Variants in AGBL4 observed in about 807,000 individuals in gnomAD.
AGBL4 encodes cytosolic carboxypeptidase 6.
A neutral mutation model predicts 66.4 loss-of-function variants in AGBL4; 58 were observed. That is an observed-to-expected ratio of 0.87 (90% CI 0.71 to 1.09). The LOEUF (loss-of-function observed/expected upper bound fraction) is 1.09. Among genes scored for constraint, AGBL4 ranks in the 50% least tolerant of loss-of-function variants. AGBL4 has a pLI of 0.00. For missense variants in AGBL4, 579 were observed against 631.0 expected, an observed-to-expected ratio of 0.92 and a Z score of 0.88; for synonymous variants, 234 against 222.9, an observed-to-expected ratio of 1.05 and a Z score of -0.44.
At chr1:49,423,455 T>G (rs941503245) in intron 3 of AGBL4, among the ~76,000 whole-genome samples, 1 of 152,132 alleles carries the variant, frequency 6.6e-6, no homozygotes, top group Non-Finnish European at 1.5e-5. Flanking sequence ...CCATGAATTA[T>G]GTGAGGACCC....
chr1:48,924,663 C>CA (rs1202314837), intron 5 of AGBL4, among the ~76,000 whole-genome samples: 2 of 152,110 alleles, frequency 1.3e-5, no homozygotes, highest in East Asian at 3.9e-4. Context: ...AATAGCTGCC[C>CA]AAAAAATATC....
intron 5 of AGBL4, among the ~76,000 whole-genome samples, chr1:48,924,227 C>T (rs1020324227): frequency 2.6e-4 from 39 of 151,992 alleles, no homozygotes; most frequent in African/African-American, 8.9e-4. Flanking sequence ...CATCACACAA[C>T]ACACAATATA....
At chr1:49,602,017 C>G (rs972739266) in intron 3 of AGBL4, among the ~76,000 whole-genome samples, 1 of 152,066 alleles carries the variant, frequency 6.6e-6, no homozygotes, top group Non-Finnish European at 1.5e-5. Context: ...AAAAAAACAA[C>G]CCCATCAAAA....
In AGBL4 at chr1:49,767,170, C is replaced by T. The variant is rs569144741; in HGVS notation, c.158-69733G>A. Among the ~76,000 whole-genome samples the T allele has an allele frequency of 1.4e-4, 22 of 152,166 alleles. No homozygotes were observed. In the East Asian group the frequency reaches 3.9e-3, roughly 27 times the overall value. Reference sequence around the variant, plus strand: ...AGAATATACATCCTTCTTATCTGAACACTGAATATACTCTAAGATCAACCA... The same window carrying T: ...AGAATATACATCCTTCTTATCTGAATACTGAATATACTCTAAGATCAACCA... On this transcript the variant is annotated intron_variant, in intron 2 of 13. Transcript: ENST00000371839.
chr1:48,586,636 A>G (rs1644824781), intron 11 of AGBL4: 1 of 248,582 alleles, frequency 4.0e-6, no homozygotes, highest in Admixed American at 5.0e-5. Context: ...AAGATCATCA[A>G]GCTCTTCCTC....
chr1:48,900,964 T>A (rs1417820927), intron 5 of AGBL4, among the ~76,000 whole-genome samples: 1 of 152,130 alleles, frequency 6.6e-6, no homozygotes, highest in Non-Finnish European at 1.5e-5. Context: ...TTGCAAATAA[T>A]ATATCTGATA....
intron 4 of AGBL4, among the ~76,000 whole-genome samples, chr1:49,163,967 T>G (rs1646586556): frequency 1.3e-5 from 2 of 152,154 alleles, no homozygotes; most frequent in Non-Finnish European, 2.9e-5. Context: ...GAAATCCCAT[T>G]CACGAAGCCG....
chr1:49,355,503 T>G (rs1368465095), intron 3 of AGBL4, among the ~76,000 whole-genome samples: 1 of 152,160 alleles, frequency 6.6e-6, no homozygotes, highest in South Asian at 2.1e-4. Flanking sequence ...CTGCTCTCCT[T>G]GATTCCATAT....
chr1:49,897,937 T>C lies in AGBL4; in HGVS notation c.35-46419A>G, dbSNP rs541754479. On this transcript the variant is annotated intron_variant, in intron 1 of 13. Transcript: ENST00000371839. ...GCAGAAGAATGAAACTATACACCTC[T>C]TTTTTTCCATGTACAAAAATCAAAT... Among the ~76,000 whole-genome samples the C allele has an allele frequency of 3.3e-3, 509 of 152,136 alleles. 5 individuals are homozygous for C. The highest frequency in any genetic ancestry group is 0.012 in the African/African-American group (492 of 41,528).
At chr1:49,262,940 T>C (rs1021623591) in intron 3 of AGBL4, among the ~76,000 whole-genome samples, 5 of 152,144 alleles carry the variant, frequency 3.3e-5, no homozygotes, top group African/African-American at 1.2e-4. Flanking sequence ...ATTAAGAAAA[T>C]GTGGCACATA....
At chr1:49,478,708 T>C (rs1407058720) in intron 3 of AGBL4, among the ~76,000 whole-genome samples, 2 of 152,078 alleles carry the variant, frequency 1.3e-5, no homozygotes, top group African/African-American at 2.4e-5. Flanking sequence ...TATAACACTG[T>C]AACTGTAGAG....
intron 3 of AGBL4, among the ~76,000 whole-genome samples, chr1:49,528,513 A>G (rs1203596421): frequency 6.6e-6 from 1 of 152,086 alleles, no homozygotes; most frequent in Non-Finnish European, 1.5e-5. Context: ...AACATTTACT[A>G]TGTACCAGGT....
intron 3 of AGBL4, among the ~76,000 whole-genome samples, chr1:49,330,663 T>C (rs1362288618): frequency 1.3e-5 from 2 of 152,168 alleles, no homozygotes; most frequent in African/African-American, 4.8e-5. Flanking sequence ...CAAAGGTATC[T>C]TGCCTTTTCC....
At position 48,663,092 on chromosome 1, in the gene AGBL4, A is replaced by T. The variant is rs1044549804; in HGVS notation, c.724+60T>A. The T allele has an allele frequency of 2.7e-6, 4 of 1,502,052 alleles. No individual in the cohort carries two copies. The African/African-American group carries it at 4.1e-5, about 16-fold the overall frequency. 93.0% of individuals were successfully genotyped at this position (1,502,052 alleles called of 1,614,324 possible). On this transcript the variant is annotated intron_variant, in intron 7 of 13. Coordinates refer to ENST00000371839, the MANE Select transcript of AGBL4 (RefSeq NM_032785.4). ...TGCATGTGGCCACACTGTTCCAGAG[A>T]TCATCACAGTGTCCCAGTTGGATGT...
At chr1:49,122,792 G>A (rs684382) in intron 4 of AGBL4, among the ~76,000 whole-genome samples, 98,714 of 152,092 alleles carry the variant, frequency 0.65, 32,898 homozygotes, top group African/African-American at 0.75. Flanking sequence ...ATGTAAATAA[G>A]GCAGTTAGCA....
At chr1:49,574,883 G>A (rs991985169) in intron 3 of AGBL4, among the ~76,000 whole-genome samples, 1 of 151,930 alleles carries the variant, frequency 6.6e-6, no homozygotes, top group African/African-American at 2.4e-5. Context: ...ACAAGCAGAA[G>A]ACTTCAAGGT....
At chr1:49,501,692 G>A (rs967474262) in intron 3 of AGBL4, among the ~76,000 whole-genome samples, 3 of 151,656 alleles carry the variant, frequency 2.0e-5, no homozygotes, top group Non-Finnish European at 2.9e-5. Flanking sequence ...TCCTTGAGGT[G>A]TAATATTAGG....
intron 2 of AGBL4, among the ~76,000 whole-genome samples, chr1:49,727,003 T>G (rs1346099949): frequency 6.6e-6 from 1 of 152,120 alleles, no homozygotes; most frequent in East Asian, 1.9e-4. Flanking sequence ...CAAAATACCA[T>G]GAGTTACCCA....
At chr1:49,722,699 A>C (rs1558192304) in intron 2 of AGBL4, among the ~76,000 whole-genome samples, 1 of 152,108 alleles carries the variant, frequency 6.6e-6, no homozygotes. Flanking sequence ...AAAAGATCTG[A>C]TTTAGCTCTA....
Sources: allele counts gnomAD v4.1 joint callset (sites outside exome capture counted in the v4.1 genomes callset), GRCh38; gene constraint gnomAD v4.1.1; transcripts MANE v1.5; gene names NCBI Gene and HGNC (gene_info 2026-07-23, HGNC 2026-07-21).